Variants in FRMD6 observed in about 807,000 individuals in gnomAD.
FRMD6 encodes FERM domain-containing protein 6.
FRMD6 carries 37 observed loss-of-function variants against 73.2 expected under a neutral mutation model. That is an observed-to-expected ratio of 0.51 (90% CI 0.39 to 0.66). FRMD6 has a LOEUF of 0.66. FRMD6 is among the 30% of genes least tolerant of loss of function. The probability of loss-of-function intolerance (pLI) is 0.00; values close to 1 mark genes in which losing one functional copy is unlikely to be tolerated. For synonymous variants in FRMD6, 273 were observed against 282.2 expected (o/e 0.97, Z 0.33); for missense variants, 714 against 780.5 (o/e 0.91, Z 1.02).
chr14:51,611,680 C>T (rs929046176), intron 2 of FRMD6, among the ~76,000 whole-genome samples: 3 of 152,220 alleles, frequency 2.0e-5, no homozygotes, highest in Admixed American at 1.3e-4. Flanking sequence ...AGATGATGCG[C>T]ATGCTGTCAG....
chr14:51,636,730 G>T lies in FRMD6; in HGVS notation c.-146-52961G>T, dbSNP rs1033297909. On this transcript the variant is annotated intron_variant, in intron 2 of 14. Transcript: ENST00000356218. ...AAAGGTCTTCGTTGTTACAAGGTAA[G>T]GTGCTTGTTTCCCCGGGGCCACGGA... is the stretch of plus-strand genomic sequence containing the variant. Among the ~76,000 whole-genome samples, 8 of 152,310 alleles carry T rather than the reference G, an allele frequency of 5.3e-5. No homozygotes were observed. In the South Asian group the frequency reaches 1.0e-3, roughly 20 times the overall value.
chr14:51,693,976 G>A (rs77652439), intron 2 of FRMD6, among the ~76,000 whole-genome samples: 2,415 of 152,266 alleles, frequency 0.016, 66 homozygotes, highest in African/African-American at 0.055. Context: ...AATGTGTATA[G>A]AGTTTGAGTG....
chr14:51,428,982 GGA>G, the FRMD6 span, among the ~76,000 whole-genome samples: 1 of 145,434 alleles, frequency 6.9e-6, no homozygotes, highest in African/African-American at 2.6e-5. Flanking sequence ...GAGACAGAGG[GGA>G]GAGAGAGGGT....
chr14:51,399,816 T>C, the FRMD6 span, among the ~76,000 whole-genome samples: 1 of 152,164 alleles, frequency 6.6e-6, no homozygotes, highest in Non-Finnish European at 1.5e-5. Flanking sequence ...AGTGAAATCA[T>C]TGAATTGACT....
intron 1 of FRMD6, among the ~76,000 whole-genome samples, chr14:51,516,223 C>CAA (rs750031039): frequency 0.02 from 2,986 of 150,936 alleles, 69 homozygotes; most frequent in East Asian, 0.071. Context: ...GACACACTCA[C>CAA]AAAAAAACAA....
At chr14:51,422,924 A>G in the FRMD6 span, among the ~76,000 whole-genome samples, 1 of 152,172 alleles carries the variant, frequency 6.6e-6, no homozygotes, top group African/African-American at 2.4e-5. Flanking sequence ...GCCTTGACCA[A>G]TGAGATGTGA....
At chr14:51,707,982 A>G (rs2140493659) in intron 6 of FRMD6, 96 bp from the exon 7 acceptor site, 2 of 1,195,268 alleles carry the variant, frequency 1.7e-6, no homozygotes, top group Non-Finnish European at 2.4e-6. Context: ...TACATGGCCT[A>G]TTTTAGCTTC....
chr14:51,699,419 C>T (rs1566576082), intron 3 of FRMD6, among the ~76,000 whole-genome samples: 1 of 152,080 alleles, frequency 6.6e-6, no homozygotes, highest in South Asian at 2.1e-4. Context: ...CTTACAACAA[C>T]TACTGCTAGA....
intron 1 of FRMD6, among the ~76,000 whole-genome samples, chr14:51,656,994 G>A (rs1355509273): frequency 2.0e-5 from 3 of 152,078 alleles, no homozygotes; most frequent in East Asian, 1.9e-4. Context: ...TGAAGACAGA[G>A]GGAAAAACAA....
intron 2 of FRMD6, among the ~76,000 whole-genome samples, chr14:51,571,782 A>G (rs1334884987): frequency 6.6e-6 from 1 of 152,220 alleles, no homozygotes; most frequent in Non-Finnish European, 1.5e-5. Context: ...TAAAAAAATA[A>G]TGCAGATAAT....
the FRMD6 span, among the ~76,000 whole-genome samples, chr14:51,460,723 C>A: frequency 2.0e-5 from 3 of 152,172 alleles, no homozygotes; most frequent in African/African-American, 7.2e-5. Context: ...GTTTCCTGTA[C>A]ATGTTCTCAA....
At chr14:51,660,219 A>G (rs752766150) in intron 1 of FRMD6, among the ~76,000 whole-genome samples, 1 of 152,188 alleles carries the variant, frequency 6.6e-6, no homozygotes, top group Non-Finnish European at 1.5e-5. Context: ...ACTTTGTGCA[A>G]TTTCTGTCAA....
intron 1 of FRMD6, among the ~76,000 whole-genome samples, chr14:51,679,755 A>G (rs1371523832): frequency 6.6e-6 from 1 of 152,088 alleles, no homozygotes. Flanking sequence ...CTTCATTGTA[A>G]TAGTTGATTA....
chr14:51,659,056 G>C (rs556927798), intron 1 of FRMD6, among the ~76,000 whole-genome samples: 3 of 152,242 alleles, frequency 2.0e-5, no homozygotes, highest in Non-Finnish European at 4.4e-5. Flanking sequence ...AGCGTAATCC[G>C]TATTGAAGAC....
chr14:51,527,102 G>A (rs1157070526), intron 1 of FRMD6, among the ~76,000 whole-genome samples: 2 of 152,250 alleles, frequency 1.3e-5, no homozygotes, highest in East Asian at 3.8e-4. Flanking sequence ...TGTCTCTAAA[G>A]TGGAGATTAA....
At chr14:51,442,882 CAA>C in the FRMD6 span, among the ~76,000 whole-genome samples, 1 of 152,126 alleles carries the variant, frequency 6.6e-6, no homozygotes, top group East Asian at 1.9e-4. Flanking sequence ...AGCAAGAAAA[CAA>C]ACAGAGTGAC....
the FRMD6 span, among the ~76,000 whole-genome samples, chr14:51,410,573 T>G: frequency 5.1e-3 from 782 of 152,336 alleles, 23 homozygotes; most frequent in Admixed American, 0.042. Flanking sequence ...TAAAAATAGC[T>G]TTATTATCCT....
chr14:51,700,242 C>T (rs1365454734), intron 3 of FRMD6, among the ~76,000 whole-genome samples: 2 of 151,946 alleles, frequency 1.3e-5, no homozygotes, highest in Non-Finnish European at 2.9e-5. Context: ...TATAGGAATG[C>T]CAAAGACTTC....
At chr14:51,449,295 TG>T in the FRMD6 span, among the ~76,000 whole-genome samples, 1 of 152,178 alleles carries the variant, frequency 6.6e-6, no homozygotes, top group Non-Finnish European at 1.5e-5. Context: ...CATTCTTCAG[TG>T]GGAGGTTCTT....
Sources: gnomAD v4.1 joint callset for allele counts (sites outside exome capture counted in the v4.1 genomes callset) on GRCh38, gnomAD v4.1.1 for gene constraint, MANE v1.5 for transcripts, NCBI Gene and HGNC (gene_info 2026-07-23, HGNC 2026-07-21) for gene names.